The following CBLC variants were observed in gnomAD, a reference collection of about 807,000 sequenced individuals.
CBLC encodes the protein E3 ubiquitin-protein ligase CBL-C.
A neutral mutation model predicts 58.6 loss-of-function variants in CBLC; 46 were observed. The observed-to-expected ratio is 0.79, with a 90% CI of 0.62 to 1.00. The LOEUF (loss-of-function observed/expected upper bound fraction) is 1.00, where lower values mean the gene tolerates loss of function less well. Ranked by LOEUF, CBLC falls within the 50% of genes least tolerant of loss-of-function variation. CBLC has a pLI of 0.00. For synonymous variants in CBLC, 271 were observed against 264.2 expected, an observed-to-expected ratio of 1.03 and a Z score of -0.25; for missense variants, 655 against 625.8, an observed-to-expected ratio of 1.05 and a Z score of -0.50.
In CBLC at chr19:44,778,051, T is replaced by A; in HGVS notation, c.120T>A (p.Ser40Arg). Residue 40 changes from serine to arginine, a missense_variant, in exon 1 of 11, where the codon AGT becomes AGA. Physicochemically the swap from Ser to Arg is moderately radical, Grantham distance 110. This residue lies in a region of CBLC where 280 missense variants were observed against 237.2 expected (regional missense o/e 1.18). Transcript: ENST00000647358. Reference sequence around the variant, plus strand: ...GCGTCGACCCCCGGCTGTCCGTGAGTCCCCCTTCGCTGCGGGACCTGCTGC... The same window carrying A: ...GCGTCGACCCCCGGCTGTCCGTGAGACCCCCTTCGCTGCGGGACCTGCTGC... ...EQCVDPRLSV[S>R]PPSLRDLLPR... 6.2e-7 allele frequency: 1 copy of A among 1,608,080 alleles called. No individual in the cohort carries two copies. Among genetic ancestry groups the A allele is most frequent in the East Asian group, 2.2e-5 (1 of 44,768 alleles).
chr19:44,783,903 A>C (rs1967815160), intron 4 of CBLC, among the ~76,000 whole-genome samples: 1 of 152,196 alleles, frequency 6.6e-6, no homozygotes, highest in Admixed American at 6.5e-5. Flanking sequence ...TCTGTAAGAA[A>C]GGGGGCACCT....
At chr19:44,784,968 T>G (rs900543673) in intron 5 of CBLC, among the ~76,000 whole-genome samples, 10 of 114,080 alleles carry the variant, frequency 8.8e-5, no homozygotes, top group East Asian at 2.4e-4. Flanking sequence ...TTTTTTTTTT[T>G]TTTTTTTTTT....
At chr19:44,799,095 G>A (rs368660270) in intron 9 of CBLC, among the ~76,000 whole-genome samples, 1 of 152,288 alleles carries the variant, frequency 6.6e-6, no homozygotes, top group East Asian at 1.9e-4. Flanking sequence ...CAGTCACTGC[G>A]AGCCTCGGGT....
intron 7 of CBLC, 88 bp from the exon 8 acceptor site, chr19:44,793,386 A>G (rs912748866): frequency 7.2e-6 from 10 of 1,393,704 alleles, no homozygotes; most frequent in Non-Finnish European, 9.5e-6. Flanking sequence ...CCCCACATCA[A>G]TCTTTTGGGC....
chr19:44,784,426 AG>A (rs1568558248), intron 5 of CBLC, 25 bp downstream of exon 5: 4 of 1,549,916 alleles, frequency 2.6e-6, no homozygotes. Flanking sequence ...TGGTAGGAGG[AG>A]GGTGTCAGCA....
At chr19:44,788,487 T>C (rs1967968288) in intron 5 of CBLC, among the ~76,000 whole-genome samples, 1 of 147,510 alleles carries the variant, frequency 6.8e-6, no homozygotes, top group African/African-American at 2.5e-5. Context: ...TTCTTTTTTT[T>C]TTTTTTTTTT....
chr19:44,782,787 G>A (rs1967785294), intron 4 of CBLC, among the ~76,000 whole-genome samples: 1 of 152,162 alleles, frequency 6.6e-6, no homozygotes, highest in East Asian at 1.9e-4. Flanking sequence ...GAGTCATGTT[G>A]TACCATCTGT....
At chr19:44,784,639 A>G (rs558576153) in intron 5 of CBLC, among the ~76,000 whole-genome samples, 22 of 152,156 alleles carry the variant, frequency 1.4e-4, no homozygotes, top group African/African-American at 5.1e-4. Flanking sequence ...CTCCGAGGAG[A>G]AGTGTGTGGG....
chr19:44,800,324 A>G, intron 9 of CBLC, 57 bp from the exon 10 acceptor site: 2 of 1,202,330 alleles, frequency 1.7e-6, no homozygotes, highest in South Asian at 1.2e-5. Flanking sequence ...GAAGAGGGGC[A>G]GAGGGAAAGA....
intron 6 of CBLC, among the ~76,000 whole-genome samples, chr19:44,791,088 C>T (rs1480837856): frequency 6.6e-6 from 1 of 151,388 alleles, no homozygotes; most frequent in African/African-American, 2.4e-5. Flanking sequence ...CATTGCACTC[C>T]AGCCTGGGCA....
intron 5 of CBLC, among the ~76,000 whole-genome samples, chr19:44,788,535 A>G (rs1402512429): frequency 1.4e-5 from 2 of 145,458 alleles, no homozygotes; most frequent in African/African-American, 5.2e-5. Context: ...GCTCGAGTGC[A>G]GTGGTGCGAT....
intron 5 of CBLC, 121 bp downstream of exon 5, chr19:44,784,522 T>C: frequency 1.0e-6 from 1 of 975,022 alleles, no homozygotes; most frequent in Non-Finnish European, 1.5e-6. Context: ...AGGGGACATC[T>C]CAAATCTGCA....
At position 44,781,066 on chromosome 19, in the gene CBLC, G is replaced by A. The variant is rs779369626; in HGVS notation, c.500+15G>A. ...TGCGGAGCCCGGTGAGTAAGCCCTT[G>A]TCCTCAGCTCCCGGAGCCCCATCCT... On this transcript the variant is annotated intron_variant, in intron 2 of 10. Coordinates refer to ENST00000647358, the MANE Select transcript of CBLC (RefSeq NM_012116.4). 1 of 1,607,770 alleles carries A rather than the reference G, an allele frequency of 6.2e-7. No individual in the cohort carries two copies. Among genetic ancestry groups the A allele is most frequent in the African/African-American group, 1.3e-5 (1 of 74,838 alleles).
intron 7 of CBLC, 105 bp from the exon 8 acceptor site, chr19:44,793,369 C>T (rs1968101654): frequency 7.2e-6 from 9 of 1,255,582 alleles, no homozygotes; most frequent in South Asian, 1.7e-5. Flanking sequence ...CTTCCTCTGT[C>T]TGTCTTCCCC....
intron 4 of CBLC, among the ~76,000 whole-genome samples, chr19:44,784,026 G>A (rs1967818470): frequency 6.6e-6 from 1 of 152,184 alleles, no homozygotes; most frequent in South Asian, 2.1e-4. Flanking sequence ...GTGAAGCGAG[G>A]AGAGATCTCC....
chr19:44,783,192 GA>G (rs978568362), intron 4 of CBLC, among the ~76,000 whole-genome samples: 1 of 152,090 alleles, frequency 6.6e-6, no homozygotes, highest in African/African-American at 2.4e-5. Flanking sequence ...CCAACATGGT[GA>G]AACCTCATCT....
In CBLC at chr19:44,793,438, G is replaced by A. The variant is rs138817753; in HGVS notation, c.1138-36G>A. 41 of 1,566,846 alleles carry A rather than the reference G, an allele frequency of 2.6e-5. 1 individual carries two copies. The Middle Eastern group carries it at 7.9e-4, about 30-fold the overall frequency. On this transcript the variant is annotated intron_variant, in intron 7 of 10. Coordinates refer to ENST00000647358, the MANE Select transcript of CBLC (RefSeq NM_012116.4). ...GCCCAAGGGACAGGATGGAGAGCAG[G>A]GGAGCACTGACCCTTTCCCTCCCGA...
chr19:44,781,178 G>T, intron 2 of CBLC, 29 bp from the exon 3 acceptor site: 2 of 1,594,118 alleles, frequency 1.3e-6, no homozygotes, highest in Non-Finnish European at 1.7e-6. Flanking sequence ...AGGCCTCAGC[G>T]GTGTCTCCCC....
chr19:44,788,078 T>C (rs969632213), intron 5 of CBLC, among the ~76,000 whole-genome samples: 3 of 151,720 alleles, frequency 2.0e-5, no homozygotes, highest in Non-Finnish European at 4.4e-5. Flanking sequence ...GTTACAGGTG[T>C]AAACCACTGC....
Sources: allele counts gnomAD v4.1 joint callset (sites outside exome capture counted in the v4.1 genomes callset), GRCh38; gene constraint gnomAD v4.1.1; regional missense constraint gnomAD v4.1.1; transcripts MANE v1.5; gene names NCBI Gene and HGNC (gene_info 2026-07-23, HGNC 2026-07-21).